Variants in SNTG2 observed in about 807,000 individuals in gnomAD.
SNTG2 encodes syntrophin gamma 2.
A neutral mutation model predicts 70.9 loss-of-function variants in SNTG2; 74 were observed. The observed-to-expected ratio is 1.04, with a 90% CI of 0.86 to 1.27. The LOEUF is 1.27. Ranked by LOEUF, SNTG2 falls within the 50% of genes most tolerant of loss-of-function variation. The pLI, the probability that SNTG2 is intolerant of heterozygous loss-of-function variation, is 0.00. For synonymous variants in SNTG2, 278 were observed against 273.8 expected (o/e 1.02, Z -0.15); for missense variants, 717 against 690.7 (o/e 1.04, Z -0.43).
At chr2:1,092,863 G>A (rs1665124528) in intron 2 of SNTG2, among the ~76,000 whole-genome samples, 1 of 152,118 alleles carries the variant, frequency 6.6e-6, no homozygotes. Context: ...ACCAAGATGT[G>A]AACATTAATT....
intron 2 of SNTG2, among the ~76,000 whole-genome samples, chr2:1,085,783 G>A (rs11898984): frequency 2.0e-4 from 30 of 152,210 alleles, no homozygotes; most frequent in African/African-American, 7.0e-4. Context: ...CTTTCAGGAC[G>A]GGAGAGCCGG....
chr2:1,142,548 A>G (rs867749895), intron 6 of SNTG2, among the ~76,000 whole-genome samples: 1 of 152,194 alleles, frequency 6.6e-6, no homozygotes, highest in Non-Finnish European at 1.5e-5. Flanking sequence ...GGGAGCAGGT[A>G]TGGGAGTATG....
intron 6 of SNTG2, among the ~76,000 whole-genome samples, chr2:1,157,570 A>G (rs1360152115): frequency 1.3e-5 from 2 of 152,230 alleles, no homozygotes; most frequent in African/African-American, 2.4e-5. Context: ...CTGGGTTTCA[A>G]TGTTGAAAGG....
intron 14 of SNTG2, among the ~76,000 whole-genome samples, chr2:1,289,406 T>A (rs1049695363): frequency 6.6e-6 from 1 of 152,004 alleles, no homozygotes; most frequent in African/African-American, 2.4e-5. Context: ...CTCCACAATT[T>A]CTCTGACTGC....
chr2:1,168,316 C>T (rs1008840020), intron 7 of SNTG2, among the ~76,000 whole-genome samples: 9 of 149,946 alleles, frequency 6.0e-5, no homozygotes, highest in African/African-American at 2.2e-4. Context: ...CTGAAGCCTA[C>T]AGGCCGCCCA....
chr2:1,199,132 T>TA (rs1342376049), intron 8 of SNTG2, among the ~76,000 whole-genome samples: 1 of 114,860 alleles, frequency 8.7e-6, no homozygotes, highest in Admixed American at 1.0e-4. Flanking sequence ...AAACCCTCAA[T>TA]AAAAAAACTA....
At chr2:1,041,350 T>C (rs1033748403) in intron 1 of SNTG2, among the ~76,000 whole-genome samples, 34 of 152,250 alleles carry the variant, frequency 2.2e-4, no homozygotes, top group Non-Finnish European at 4.3e-4. Context: ...GTCTTTAACA[T>C]GTCTAGACTT....
At chr2:1,045,190 A>G (rs1321563550) in intron 1 of SNTG2, among the ~76,000 whole-genome samples, 1 of 151,968 alleles carries the variant, frequency 6.6e-6, no homozygotes, top group Non-Finnish European at 1.5e-5. Context: ...AGTGGTGTTC[A>G]TAGTAGTTTC....
chr2:960,761 G>T (rs561594776), intron 1 of SNTG2, among the ~76,000 whole-genome samples: 1 of 149,184 alleles, frequency 6.7e-6, no homozygotes, highest in South Asian at 2.2e-4. Flanking sequence ...GAGCTCTGAG[G>T]GTTCCCACGC....
intron 8 of SNTG2, among the ~76,000 whole-genome samples, chr2:1,184,927 T>C (rs1329616873): frequency 6.6e-6 from 1 of 152,184 alleles, no homozygotes; most frequent in East Asian, 1.9e-4. Flanking sequence ...CAAAAGTCCA[T>C]AGTTCAAAGT....
intron 14 of SNTG2, among the ~76,000 whole-genome samples, chr2:1,297,343 G>A (rs916454003): frequency 6.6e-6 from 1 of 152,178 alleles, no homozygotes; most frequent in Non-Finnish European, 1.5e-5. Flanking sequence ...ATGTAAACCC[G>A]TTACTTTGCC....
chr2:1,296,688 T>A (rs540507954), intron 14 of SNTG2, among the ~76,000 whole-genome samples: 12 of 152,298 alleles, frequency 7.9e-5, no homozygotes, highest in African/African-American at 2.4e-4. Context: ...GGAATGACAG[T>A]CCCTGAGCAG....
chr2:1,096,826 G>A (rs979587651), intron 2 of SNTG2, among the ~76,000 whole-genome samples: 1 of 152,164 alleles, frequency 6.6e-6, no homozygotes, highest in Admixed American at 6.6e-5. Context: ...GTGTCACTGG[G>A]AAGCATCTGT....
In SNTG2 at chr2:995,099, T is replaced by C. The variant is rs561542236; in HGVS notation, c.72+44031T>C. On this transcript the variant is annotated intron_variant, in intron 1 of 16. Coordinates refer to ENST00000308624, the MANE Select transcript of SNTG2 (RefSeq NM_018968.4). ...CCTTTGATAGGCACACCCAGTAAAA[T>C]GTTAAATGGAAGTGGCAAGAATAAA... is the stretch of plus-strand genomic sequence containing the variant. 3.3e-5 allele frequency among the ~76,000 whole-genome samples: 5 copies of C among 152,078 alleles called. No individual in the cohort carries two copies. In the East Asian group the frequency reaches 9.6e-4, roughly 29 times the overall value.
intron 16 of SNTG2, among the ~76,000 whole-genome samples, chr2:1,328,783 A>G (rs551725091): frequency 6.6e-5 from 10 of 152,212 alleles, no homozygotes; most frequent in Non-Finnish European, 1.2e-4. Flanking sequence ...AGAAGCCTCA[A>G]AACGTGTGTA....
intron 2 of SNTG2, among the ~76,000 whole-genome samples, chr2:1,087,924 C>T (rs1664784789): frequency 6.6e-6 from 1 of 152,182 alleles, no homozygotes; most frequent in South Asian, 2.1e-4. Context: ...AAATTCTATA[C>T]ACAATATACA....
chr2:1,254,472 T>C (rs1042802880), intron 12 of SNTG2, among the ~76,000 whole-genome samples: 1 of 152,264 alleles, frequency 6.6e-6, no homozygotes, highest in Non-Finnish European at 1.5e-5. Flanking sequence ...ATGGCATTAA[T>C]ATATCAATGA....
chr2:1,308,346 C>T, intron 14 of SNTG2, 148 bp from the exon 15 acceptor site: 1 of 685,948 alleles, frequency 1.5e-6, no homozygotes, highest in South Asian at 1.9e-5. Context: ...CTCCCGGGAC[C>T]CTGCATCCTC....
intron 15 of SNTG2, 21 bp from the exon 16 acceptor site, chr2:1,316,244 A>G: frequency 8.1e-7 from 1 of 1,241,260 alleles, no homozygotes; most frequent in Non-Finnish European, 1.1e-6. Context: ...GAAATCGCTA[A>G]TTAATTTTAT....
Sources: gnomAD v4.1 joint callset for allele counts (sites outside exome capture counted in the v4.1 genomes callset) on GRCh38, gnomAD v4.1.1 for gene constraint, MANE v1.5 for transcripts, NCBI Gene and HGNC (gene_info 2026-07-23, HGNC 2026-07-21) for gene names.